Variants in ANO4 observed in about 807,000 individuals in gnomAD.
The protein encoded by ANO4 is anoctamin 4, also known as anoctamin-4.
A neutral mutation model predicts 141.9 loss-of-function variants in ANO4; 69 were observed. The observed-to-expected ratio is 0.49, with a 90% CI of 0.40 to 0.59. The LOEUF (loss-of-function observed/expected upper bound fraction) is 0.59. ANO4 is among the 20% of genes least tolerant of loss of function. ANO4 has a pLI of 0.00. For synonymous variants in ANO4, 350 were observed against 394.3 expected (o/e 0.89, Z 1.33); for missense variants, 894 against 1,162.2 (o/e 0.77, Z 3.36).
At chr12:100,914,991 A>G (rs952187) in intron 2 of ANO4, among the ~76,000 whole-genome samples, 5,322 of 149,914 alleles carry the variant, frequency 0.036, 135 homozygotes, top group Non-Finnish European at 0.05. Flanking sequence ...ATTTTATTTT[A>G]TATTTTTTTT....
intron 13 of ANO4, among the ~76,000 whole-genome samples, chr12:101,046,300 G>A (rs569384633): frequency 6.6e-6 from 1 of 152,202 alleles, no homozygotes; most frequent in South Asian, 2.1e-4. Context: ...GTCTAACAGA[G>A]CAGGACTTTG....
intron 1 of ANO4, among the ~76,000 whole-genome samples, chr12:100,846,078 TA>T (rs1296362536): frequency 2.0e-5 from 3 of 152,350 alleles, no homozygotes; most frequent in African/African-American, 7.2e-5. Context: ...AATGAAATTA[TA>T]AGACATTGAT....
chr12:100,856,446 C>T (rs2038176015), intron 1 of ANO4, among the ~76,000 whole-genome samples: 1 of 152,084 alleles, frequency 6.6e-6, no homozygotes, highest in Admixed American at 6.6e-5. Flanking sequence ...GTAGTAAGTG[C>T]TTGGAGGATA....
At chr12:100,971,802 G>T (rs1487559127) in intron 6 of ANO4, among the ~76,000 whole-genome samples, 2 of 151,438 alleles carry the variant, frequency 1.3e-5, no homozygotes, top group Non-Finnish European at 2.9e-5. Context: ...ACATTAAAAT[G>T]TATTTCTGTA....
chr12:100,751,946 A>C (rs2032402728), intron 3 of ANO4, among the ~76,000 whole-genome samples: 1 of 152,170 alleles, frequency 6.6e-6, no homozygotes, highest in Non-Finnish European at 1.5e-5. Flanking sequence ...GGAATGTGGA[A>C]TAGGAGACAA....
chr12:101,110,376 C>T lies in ANO4; in HGVS notation c.2150-28C>T, dbSNP rs765642477. ...AATAGTAATGGAAAACCAATACTCTCTGCTCTTTTTCCTTTTTTCTTTTCT... is the reference window on the plus strand; with the variant it reads ...AATAGTAATGGAAAACCAATACTCTTTGCTCTTTTTCCTTTTTTCTTTTCT... On this transcript the variant is annotated intron_variant, in intron 22 of 27. Transcript: ENST00000392977. The T allele has an allele frequency of 4.4e-6, 7 of 1,584,802 alleles. No individual in the cohort carries two copies. In the South Asian group the frequency reaches 8.3e-5, roughly 19 times the overall value.
intron 1 of ANO4, among the ~76,000 whole-genome samples, chr12:100,829,882 T>C (rs11110540): frequency 0.23 from 34,917 of 151,968 alleles, 4,272 homozygotes; most frequent in African/African-American, 0.32. Context: ...TCATTGTTCC[T>C]CCAGCATATT....
chr12:100,888,321 A>G (rs1321218091), intron 1 of ANO4, among the ~76,000 whole-genome samples: 1 of 152,232 alleles, frequency 6.6e-6, no homozygotes, highest in Non-Finnish European at 1.5e-5. Context: ...ACAGATTTTA[A>G]TAAAGATGTT....
intron 7 of ANO4, among the ~76,000 whole-genome samples, chr12:100,976,485 C>G (rs2044200115): frequency 6.6e-6 from 1 of 152,208 alleles, no homozygotes; most frequent in Non-Finnish European, 1.5e-5. Flanking sequence ...TCTGTACAAT[C>G]CTGATATAAC....
chr12:100,963,633 C>CT (rs2043522606), intron 5 of ANO4, among the ~76,000 whole-genome samples: 1 of 152,060 alleles, frequency 6.6e-6, no homozygotes, highest in Non-Finnish European at 1.5e-5. Context: ...CAAAAAATTT[C>CT]TTTTTAGAGA....
intron 1 of ANO4, among the ~76,000 whole-genome samples, chr12:100,841,856 C>T (rs1351630947): frequency 6.6e-6 from 1 of 152,120 alleles, no homozygotes; most frequent in Non-Finnish European, 1.5e-5. Context: ...TTGCTGTTTG[C>T]TCTTTGTAGA....
intron 22 of ANO4, among the ~76,000 whole-genome samples, chr12:101,101,049 C>A (rs2050166202): frequency 6.6e-6 from 1 of 152,188 alleles, no homozygotes; most frequent in South Asian, 2.1e-4. Context: ...TTTGGCACTG[C>A]AACAGTAGAG....
At chr12:100,747,334 A>AT (rs565392179) in intron 3 of ANO4, among the ~76,000 whole-genome samples, 1 of 152,016 alleles carries the variant, frequency 6.6e-6, no homozygotes, top group Non-Finnish European at 1.5e-5. Flanking sequence ...AAAGAGGAAG[A>AT]TTTTTTTCCC....
intron 17 of ANO4, among the ~76,000 whole-genome samples, chr12:101,093,145 A>C (rs2049846332): frequency 6.6e-6 from 1 of 152,178 alleles, no homozygotes; most frequent in Admixed American, 6.6e-5. Context: ...TCTAGACATA[A>C]GATTTGTTCC....
chr12:100,799,279 A>G (rs2034536921), intron 1 of ANO4, among the ~76,000 whole-genome samples: 1 of 152,182 alleles, frequency 6.6e-6, no homozygotes, highest in South Asian at 2.1e-4. Context: ...TGGAGGGAGT[A>G]GGCTGTAACT....
upstream of ANO4, among the ~76,000 whole-genome samples, chr12:100,794,180 G>A (rs983560879): frequency 2.0e-5 from 3 of 152,020 alleles, no homozygotes; most frequent in African/African-American, 7.3e-5. Context: ...ATAGAAAGCC[G>A]GGTCACTGGT....
intron 1 of ANO4, among the ~76,000 whole-genome samples, chr12:100,886,901 G>A (rs1008595398): frequency 2.0e-5 from 3 of 152,214 alleles, no homozygotes; most frequent in Non-Finnish European, 2.9e-5. Flanking sequence ...TTCTGTTAGA[G>A]TCACTTCTGC....
At chr12:101,049,033 C>A (rs2136661743) in intron 14 of ANO4, among the ~76,000 whole-genome samples, 1 of 152,194 alleles carries the variant, frequency 6.6e-6, no homozygotes, top group Admixed American at 6.5e-5. Context: ...AATTATAAAG[C>A]TTCAATTTAA....
chr12:100,933,602 T>C (rs1168224987), intron 3 of ANO4, among the ~76,000 whole-genome samples: 3 of 152,206 alleles, frequency 2.0e-5, no homozygotes, highest in African/African-American at 4.8e-5. Flanking sequence ...GTCTTTATAG[T>C]AGCATGATTT....
Sources: allele counts gnomAD v4.1 joint callset (sites outside exome capture counted in the v4.1 genomes callset), GRCh38; gene constraint gnomAD v4.1.1; transcripts MANE v1.5; gene names NCBI Gene and HGNC (gene_info 2026-07-23, HGNC 2026-07-21).